TRPC4: variants seen among roughly 807,000 people sequenced by gnomAD.
The protein encoded by TRPC4 is short transient receptor potential channel 4.
In TRPC4, 49 loss-of-function variants were observed where a neutral mutation model predicts 99.4. That is an observed-to-expected ratio of 0.49 (90% confidence interval 0.39 to 0.63). The LOEUF (loss-of-function observed/expected upper bound fraction) is 0.63. TRPC4 is among the 20% of genes least tolerant of loss of function. The pLI is 0.00. For synonymous variants in TRPC4, 454 were observed against 425.9 expected (o/e 1.07, Z -0.81); for missense variants, 898 against 1,152.9 (o/e 0.78, Z 3.20).
chr13:37,837,356 G>T (rs1048546473), intron 1 of TRPC4, among the ~76,000 whole-genome samples: 1 of 152,268 alleles, frequency 6.6e-6, no homozygotes, highest in African/African-American at 2.4e-5. Context: ...GCCTGGAAAA[G>T]CTGTGGATAC....
At chr13:37,747,521 A>T (rs1438391075) in intron 2 of TRPC4, among the ~76,000 whole-genome samples, 3 of 152,060 alleles carry the variant, frequency 2.0e-5, no homozygotes, top group East Asian at 3.9e-4. Context: ...GCAAAAAAAA[A>T]TGATGACTCA....
chr13:37,729,341 G>A (rs1044147002), intron 3 of TRPC4, among the ~76,000 whole-genome samples: 3 of 152,056 alleles, frequency 2.0e-5, no homozygotes, highest in Non-Finnish European at 4.4e-5. Context: ...AATTGTAGGT[G>A]AGGATGTGGA....
At chr13:37,779,125 T>G (rs886682590) in intron 2 of TRPC4, among the ~76,000 whole-genome samples, 4 of 152,092 alleles carry the variant, frequency 2.6e-5, no homozygotes, top group Non-Finnish European at 5.9e-5. Context: ...AAGCAAGGTC[T>G]GCTTCTGATA....
intron 1 of TRPC4, among the ~76,000 whole-genome samples, chr13:37,849,765 G>C (rs908636451): frequency 5.3e-5 from 8 of 152,208 alleles, no homozygotes; most frequent in Non-Finnish European, 1.2e-4. Context: ...GATCAGGCTG[G>C]AGCTGAGACC....
At chr13:37,665,855 A>G (rs2138708168) in intron 5 of TRPC4, among the ~76,000 whole-genome samples, 1 of 151,942 alleles carries the variant, frequency 6.6e-6, no homozygotes, top group African/African-American at 2.4e-5. Context: ...AAAAAAAAAA[A>G]AAAAAAAATA....
intron 1 of TRPC4, among the ~76,000 whole-genome samples, chr13:37,805,268 T>G (rs893975004): frequency 6.6e-6 from 1 of 151,944 alleles, no homozygotes. Flanking sequence ...TGATATGAAT[T>G]TTTGCAATGC....
Position 37,783,143 on chromosome 13 carries a change from T to A in TRPC4, c.191A>T (p.Asn64Ile). ...AGTTCTTCCGAGAGGATCAATGCAA[T>A]TAATATTGATTTTAAAATAAATTTC... ...EAEIYFKINI[N>I]CIDPLGRTAL... Residue 64 changes from asparagine (N) to isoleucine (I), a missense_variant, in exon 2 of 11, where the codon AAT (asparagine) becomes ATT (isoleucine). Asn to Ile is a moderately radical substitution (Grantham distance 149). Coordinates refer to ENST00000379705, the MANE Select transcript of TRPC4 (RefSeq NM_016179.4). 2 of 1,613,484 alleles carry A rather than the reference T, an allele frequency of 1.2e-6. No homozygotes were observed. The highest frequency in any genetic ancestry group is 1.7e-6 in the Non-Finnish European group (2 of 1,179,710).
intron 8 of TRPC4, among the ~76,000 whole-genome samples, chr13:37,643,369 T>C (rs574860346): frequency 6.6e-6 from 1 of 152,328 alleles, no homozygotes; most frequent in African/African-American, 2.4e-5. Context: ...CATGAAAGAC[T>C]ACACATGAAG....
At chr13:37,831,811 C>T (rs1170672399) in intron 1 of TRPC4, among the ~76,000 whole-genome samples, 2 of 152,030 alleles carry the variant, frequency 1.3e-5, no homozygotes, top group Non-Finnish European at 2.9e-5. Flanking sequence ...CATGATCTGA[C>T]TTATAGCTGG....
At chr13:37,850,819 C>A (rs907131389) in intron 1 of TRPC4, among the ~76,000 whole-genome samples, 3 of 152,102 alleles carry the variant, frequency 2.0e-5, no homozygotes, top group African/African-American at 4.8e-5. Context: ...TAGAGGGAAA[C>A]CACACAGAAA....
At chr13:37,651,178 A>C in intron 8 of TRPC4, 87 bp downstream of exon 8, 1 of 1,486,872 alleles carries the variant, frequency 6.7e-7, no homozygotes, top group Non-Finnish European at 9.2e-7. Flanking sequence ...AAAAAGGCTA[A>C]AGACCTGAAC....
At chr13:37,721,351 G>A (rs1408239115) in intron 3 of TRPC4, among the ~76,000 whole-genome samples, 1 of 152,058 alleles carries the variant, frequency 6.6e-6, no homozygotes, top group East Asian at 1.9e-4. Flanking sequence ...GCAAAAGATT[G>A]TTAATAAAAT....
chr13:37,692,429 C>T (rs767621677), intron 3 of TRPC4, 94 bp from the exon 4 acceptor site: 1 of 1,138,354 alleles, frequency 8.8e-7, no homozygotes, highest in Non-Finnish European at 1.2e-6. Context: ...TCTTTAAAGA[C>T]AGAAATTCTG....
At chr13:37,796,272 T>A (rs1482956826) in intron 1 of TRPC4, among the ~76,000 whole-genome samples, 2 of 152,274 alleles carry the variant, frequency 1.3e-5, no homozygotes, top group African/African-American at 4.8e-5. Flanking sequence ...TGTTCTAAGT[T>A]TCACCTGTAT....
intron 1 of TRPC4, among the ~76,000 whole-genome samples, chr13:37,828,674 T>C (rs1958321996): frequency 6.6e-6 from 1 of 152,208 alleles, no homozygotes; most frequent in African/African-American, 2.4e-5. Context: ...GAGATTATGT[T>C]CTTTGCAGCA....
intron 3 of TRPC4, among the ~76,000 whole-genome samples, chr13:37,695,417 A>G (rs1328418574): frequency 6.6e-6 from 1 of 152,138 alleles, no homozygotes; most frequent in African/African-American, 2.4e-5. Context: ...GTGTGCTGGG[A>G]GCCTACAGCC....
Position 37,783,096 on chromosome 13 carries a change from T to C in TRPC4, c.238A>G (p.Asn80Asp). The C allele has an allele frequency of 1.2e-6, 2 of 1,613,452 alleles. No homozygotes were observed. The highest frequency in any genetic ancestry group is 1.7e-6 in the Non-Finnish European group (2 of 1,179,750). ...AGTTCGATGAGCTCCAAGTTCTCATTTTCAATTGCAATGAGGAGAGCAGTT... is the reference window on the plus strand; with the variant it reads ...AGTTCGATGAGCTCCAAGTTCTCATCTTCAATTGCAATGAGGAGAGCAGTT... ...GRTALLIAIE[N>D]ENLELIELLL... Residue 80 changes from asparagine to aspartate, a missense_variant, in exon 2 of 11, where the codon AAT becomes GAT. Transcript: ENST00000379705.
intron 3 of TRPC4, among the ~76,000 whole-genome samples, chr13:37,744,778 C>T (rs773939806): frequency 6.6e-5 from 10 of 152,072 alleles, no homozygotes; most frequent in Non-Finnish European, 1.3e-4. Context: ...TAGATAATTA[C>T]TATCATTTAA....
At chr13:37,750,636 C>T (rs889477347) in intron 2 of TRPC4, among the ~76,000 whole-genome samples, 7 of 151,952 alleles carry the variant, frequency 4.6e-5, no homozygotes, top group African/African-American at 1.5e-4. Flanking sequence ...AATGTTTTTA[C>T]TTTGGCAATT....
Sources: allele counts gnomAD v4.1 joint callset (sites outside exome capture counted in the v4.1 genomes callset), GRCh38; gene constraint gnomAD v4.1.1; transcripts MANE v1.5; gene names NCBI Gene and HGNC (gene_info 2026-07-23, HGNC 2026-07-21).